Variants in CCDC178 observed in about 807,000 individuals in gnomAD.
CCDC178 encodes coiled-coil domain-containing protein 178.
Under a neutral mutation model 117.4 loss-of-function variants are expected in CCDC178, and 126 were observed. The observed-to-expected ratio is 1.07, with a 90% CI of 0.93 to 1.24. CCDC178 has a LOEUF of 1.24. CCDC178 is among the 50% of genes most tolerant of loss of function. The pLI is 0.00. For synonymous variants in CCDC178, 283 were observed against 313.4 expected, an observed-to-expected ratio of 0.90 and a Z score of 1.02; for missense variants, 1,030 against 986.9, an observed-to-expected ratio of 1.04 and a Z score of -0.59.
chr18:33,172,297 A>C (rs1380050203), intron 20 of CCDC178, among the ~76,000 whole-genome samples: 1 of 152,158 alleles, frequency 6.6e-6, no homozygotes, highest in Non-Finnish European at 1.5e-5. Context: ...TTTATATTTT[A>C]TGTAAGTAGT....
chr18:33,041,704 C>T (rs1435474169), intron 21 of CCDC178, among the ~76,000 whole-genome samples: 2 of 151,488 alleles, frequency 1.3e-5, no homozygotes, highest in Admixed American at 6.6e-5. Flanking sequence ...AACAGTTTTA[C>T]TTAAAAATTT....
intron 21 of CCDC178, among the ~76,000 whole-genome samples, chr18:33,074,043 G>A (rs1001031697): frequency 1.3e-5 from 2 of 152,102 alleles, no homozygotes; most frequent in African/African-American, 2.4e-5. Flanking sequence ...AGTAGCTGGA[G>A]CACACTGAGG....
intron 1 of CCDC178, 130 bp from the exon 2 acceptor site, chr18:33,440,211 G>A (rs2064358907): frequency 6.6e-6 from 1 of 151,644 alleles, no homozygotes; most frequent in Non-Finnish European, 1.5e-5. Flanking sequence ...AGACGCTAGA[G>A]ACGCAGTTAC....
chr18:32,985,331 C>T (rs1229272806), intron 21 of CCDC178, among the ~76,000 whole-genome samples: 2 of 151,942 alleles, frequency 1.3e-5, no homozygotes, highest in African/African-American at 2.4e-5. Flanking sequence ...CAATGCGGGA[C>T]AGCCTAAGTG....
In CCDC178 at chr18:33,346,305, T is replaced by TCC; in HGVS notation, c.563_564insGG (p.Lys189GlufsTer10). 1 of 1,613,818 alleles carries TCC rather than the reference T, an allele frequency of 6.2e-7. No individual in the cohort carries two copies. Among genetic ancestry groups the TCC allele is most frequent in the Non-Finnish European group, 8.5e-7 (1 of 1,179,726 alleles). On this transcript the variant is annotated frameshift_variant, in exon 9 of 23. Transcript: ENST00000383096. LOFTEE classifies it high-confidence loss of function. ...TATTCTTTCTTGATCTCTGTTGTTT[T>TCC]AAAGCTTCTTCAGCGTCTGCCCGGT...
intron 20 of CCDC178, among the ~76,000 whole-genome samples, chr18:33,200,633 CA>C (rs2058980682): frequency 6.6e-6 from 1 of 152,174 alleles, no homozygotes. Context: ...CTAATGTTTT[CA>C]CTACTTGAAG....
intron 9 of CCDC178, among the ~76,000 whole-genome samples, chr18:33,343,865 A>T (rs374977340): frequency 6.6e-6 from 1 of 152,186 alleles, no homozygotes; most frequent in African/African-American, 2.4e-5. Flanking sequence ...TTGAGAATCT[A>T]AAGACTATAA....
intron 12 of CCDC178, among the ~76,000 whole-genome samples, chr18:33,285,865 A>G (rs2060092824): frequency 6.6e-6 from 1 of 152,160 alleles, no homozygotes; most frequent in Non-Finnish European, 1.5e-5. Flanking sequence ...AAAATAAAAG[A>G]TAGTAAAAGC....
At chr18:33,132,427 G>A (rs1404435619) in intron 20 of CCDC178, among the ~76,000 whole-genome samples, 1 of 151,476 alleles carries the variant, frequency 6.6e-6, no homozygotes, top group East Asian at 1.9e-4. Flanking sequence ...TATATATTAC[G>A]TTGTTTTTTC....
chr18:33,305,399 T>C (rs1026671515), intron 11 of CCDC178, among the ~76,000 whole-genome samples: 1 of 151,880 alleles, frequency 6.6e-6, no homozygotes, highest in African/African-American at 2.4e-5. Context: ...CAAATCAGGG[T>C]TGTGCACAGG....
At chr18:33,239,906 A>G (rs2059466649) in intron 15 of CCDC178, among the ~76,000 whole-genome samples, 1 of 151,996 alleles carries the variant, frequency 6.6e-6, no homozygotes, top group Admixed American at 6.6e-5. Flanking sequence ...ATATTTAGAG[A>G]ACATTTCATT....
chr18:33,433,095 C>A (rs1193004474), intron 2 of CCDC178, among the ~76,000 whole-genome samples: 3 of 152,076 alleles, frequency 2.0e-5, no homozygotes, highest in East Asian at 3.9e-4. Context: ...TTTTTATAAA[C>A]CTTGTAGGGT....
chr18:33,174,862 T>C (rs995594130), intron 20 of CCDC178, among the ~76,000 whole-genome samples: 1 of 151,948 alleles, frequency 6.6e-6, no homozygotes. Context: ...ATTAGTATTA[T>C]TATTATTTTG....
chr18:33,154,610 G>A (rs1193611067), intron 20 of CCDC178, among the ~76,000 whole-genome samples: 2 of 152,038 alleles, frequency 1.3e-5, no homozygotes, highest in Admixed American at 1.3e-4. Flanking sequence ...CTTCAATTAA[G>A]AGTTTTACTA....
chr18:33,031,465 T>C (rs759945754), intron 21 of CCDC178, among the ~76,000 whole-genome samples: 1 of 152,252 alleles, frequency 6.6e-6, no homozygotes, highest in African/African-American at 2.4e-5. Flanking sequence ...CATTTTAACC[T>C]CATAGAATCT....
intron 14 of CCDC178, among the ~76,000 whole-genome samples, chr18:33,260,772 A>G (rs899179546): frequency 2.0e-5 from 3 of 152,104 alleles, no homozygotes; most frequent in African/African-American, 7.2e-5. Flanking sequence ...AGATAGGTAG[A>G]GGTAAGACTT....
At position 33,433,790 on chromosome 18, in the gene CCDC178, T is replaced by TTGTGTGTG. The variant is rs5823897; in HGVS notation, c.-23+6164_-23+6171dup. Among the ~76,000 whole-genome samples the TTGTGTGTG allele has an allele frequency of 1.9e-3, 290 of 149,400 alleles. 1 individual carries two copies. Among genetic ancestry groups the TTGTGTGTG allele is most frequent in the African/African-American group, 5.6e-3 (228 of 40,738 alleles). ...CTGACCAATAATTCAATAGCAGAAT[T>TTGTGTGTG]TGTGTGTGTGTGTGTGTGTGTGGAA... On this transcript the variant is annotated intron_variant, in intron 2 of 22. Transcript: ENST00000383096.
intron 22 of CCDC178, chr18:32,954,145 A>G (rs2054546333): frequency 6.6e-6 from 1 of 152,190 alleles, no homozygotes. Flanking sequence ...TATTTTCCTA[A>G]TGCTGCCCTG....
intron 11 of CCDC178, among the ~76,000 whole-genome samples, chr18:33,314,200 C>CAAAAAAAAAAAAAA (rs869127341): frequency 6.4e-5 from 4 of 62,426 alleles, no homozygotes; most frequent in African/African-American, 1.9e-4. Context: ...GACTCCGTCT[C>CAAAAAAAAAAAAAA]AAAAAAAAAA....
Sources: allele counts gnomAD v4.1 joint callset (sites outside exome capture counted in the v4.1 genomes callset), GRCh38; gene constraint gnomAD v4.1.1; transcripts MANE v1.5; gene names NCBI Gene and HGNC (gene_info 2026-07-23, HGNC 2026-07-21).